Variants in FAM9B observed in about 807,000 individuals in gnomAD.
FAM9B encodes the protein family with sequence similarity 9 member B, also known as protein FAM9B.
A neutral mutation model predicts 16.6 loss-of-function variants in FAM9B; 18 were observed. The ratio of observed to expected loss-of-function variants is 1.09; its 90% CI spans 0.75 to 1.61. FAM9B has a LOEUF of 1.61. Among genes scored for constraint, FAM9B ranks in the 40% most tolerant of loss-of-function variants. The pLI is 0.00. For missense variants in FAM9B, 155 were observed against 136.0 expected, an observed-to-expected ratio of 1.14 and a Z score of -0.70; for synonymous variants, 43 against 42.6, an observed-to-expected ratio of 1.01 and a Z score of -0.03.
rs796087416 is a variant in FAM9B at position 9,032,742 on chromosome X, T to A, written c.28+217A>T. On this transcript the variant is annotated intron_variant, in intron 2 of 8. Transcript: ENST00000327220. Reference sequence around the variant, plus strand: ...ATGGAGAAGAGCTGCTCTGAGAGCATCTGTAACCCTGCTATGAGGGGGAGC... The same window carrying A: ...ATGGAGAAGAGCTGCTCTGAGAGCAACTGTAACCCTGCTATGAGGGGGAGC... The A allele has an allele frequency of 7.3e-6, 4 of 550,128 alleles. 1 individual carries two copies. The East Asian group carries it at 1.4e-4, about 20-fold the overall frequency. 45.3% of individuals were successfully genotyped at this position (550,128 alleles called of 1,213,427 possible).
At position 9,033,039 on chromosome X, in the gene FAM9B, G is replaced by A. The variant is rs1921135962; in HGVS notation, c.-53C>T. The A allele has an allele frequency of 8.3e-7, 1 of 1,212,019 alleles. No individual in the cohort carries two copies. The highest frequency in any genetic ancestry group is 1.1e-6 in the Non-Finnish European group (1 of 895,519). On this transcript the variant is annotated 5_prime_UTR_variant, in exon 2 of 9. Transcript: ENST00000327220. ...AGCCCTCCTGCCCACAGGATCCGTG[G>A]CTGGTTGTCCTGGGAAGCTAGAGGC...
At chrX:9,032,685 G>A (rs745607663) in intron 2 of FAM9B, 5 of 554,044 alleles carry the variant, frequency 9.0e-6, no homozygotes, top group South Asian at 6.8e-5. Flanking sequence ...ACGTACTACA[G>A]TTCAGACCCC....
rs759581024 is a variant in FAM9B at position 9,032,981 on chromosome X, C to T, written c.6G>A (p.Ala2=). The T allele has an allele frequency of 2.5e-5, 30 of 1,210,232 alleles. No homozygotes were observed. The highest frequency in any genetic ancestry group is 8.7e-5 in the Admixed American group (4 of 45,863). ...TACCTGCATGCTTCTTCCCCCAGGCCGCCATAAATTGAGCCTCCAACTGGG... is the reference window on the plus strand; with the variant it reads ...TACCTGCATGCTTCTTCCCCCAGGCTGCCATAAATTGAGCCTCCAACTGGG... M[A]AWGKKHAGKD... The change falls in exon 2 of 9, where the codon GCG becomes GCA. Residue 2 remains alanine, a synonymous_variant. Coordinates refer to ENST00000327220, the MANE Select transcript of FAM9B (RefSeq NM_205849.3).
At chrX:9,033,272 T>G in intron 1 of FAM9B, 197 bp from the exon 2 acceptor site, 2 of 1,084,968 alleles carry the variant, frequency 1.8e-6, no homozygotes, top group South Asian at 4.8e-5. Context: ...GCTGCAAAGC[T>G]CACAGCTGCC....
chrX:9,029,369 C>T lies in FAM9B; in HGVS notation c.331G>A (p.Glu111Lys). The T allele has an allele frequency of 8.3e-7, 1 of 1,209,939 alleles. No homozygotes were observed. Among genetic ancestry groups the T allele is most frequent in the South Asian group, 1.8e-5 (1 of 56,814 alleles). The change falls in exon 6 of 9, where the codon GAA becomes AAA. Residue 111 changes from glutamate to lysine, a missense_variant. Glu to Lys is a moderately conservative substitution (Grantham distance 56). Coordinates refer to ENST00000327220, the MANE Select transcript of FAM9B (RefSeq NM_205849.3). ...TCTTTCTGCTCGTCTGTGATGTATTCTTCAAGGACATTTAGCAACTTCAGA... is the reference window on the plus strand; with the variant it reads ...TCTTTCTGCTCGTCTGTGATGTATTTTTCAAGGACATTTAGCAACTTCAGA... The part of the protein sequence containing the change: ...HSLKLLNVLE[E>K]YITDEQKEEE...
Position 9,032,335 on chromosome X carries a change from C to T in FAM9B, c.149+6G>A. On this transcript the variant is annotated splice_donor_region_variant and intron_variant, in intron 3 of 8. Transcript: ENST00000327220. ...CCGACAGGCAAAAGTGACTTAAACA[C>T]TTTACCCCGTGTGTTCATCTGTTTC... 2.5e-6 allele frequency: 3 copies of T among 1,211,174 alleles called. No homozygotes were observed. The highest frequency in any genetic ancestry group is 3.4e-6 in the Non-Finnish European group (3 of 895,394).
At chrX:9,025,705 C>A in intron 7 of FAM9B, 122 bp from the exon 8 acceptor site, 1 of 514,551 alleles carries the variant, frequency 1.9e-6, no homozygotes, top group Non-Finnish European at 3.1e-6. Context: ...TTATTCATTT[C>A]AAATAGAAAA....
At chrX:9,029,525 G>A in intron 5 of FAM9B, 107 bp from the exon 6 acceptor site, 5 of 470,048 alleles carry the variant, frequency 1.1e-5, no homozygotes, top group Non-Finnish European at 1.8e-5. Flanking sequence ...AAGTAGCAAG[G>A]GAGTAATAGC....
At position 9,025,595 on chromosome X, in the gene FAM9B, A is replaced by G. The variant is rs1436158820; in HGVS notation, c.493-12T>C. 4 of 1,186,199 alleles carry G rather than the reference A, an allele frequency of 3.4e-6. No homozygotes were observed. Among genetic ancestry groups the G allele is most frequent in the Admixed American group, 4.6e-5 (2 of 43,647 alleles). ...AAGTCCTCAAGAGCCTAAAAGAAAAAGTCTAGTTCACTGACAAACCACCAC... is the reference window on the plus strand; with the variant it reads ...AAGTCCTCAAGAGCCTAAAAGAAAAGGTCTAGTTCACTGACAAACCACCAC... On this transcript the variant is annotated splice_polypyrimidine_tract_variant and intron_variant, in intron 7 of 8. Transcript: ENST00000327220.
In FAM9B at chrX:9,030,357, T is replaced by C. The variant is rs1921033751; in HGVS notation, c.185A>G (p.Asp62Gly). ...CATCCTTTTTCTTTTTGCAGTAAGA[T>C]CCTCTTTAATGTCAGTTAGATAGTA... ...NTKKPEDTAE[D>G]LTAKRKRMKM... The change falls in exon 5 of 9, where the codon GAT becomes GGT. Residue 62 changes from aspartate to glycine, a missense_variant. By Grantham distance (94) the Asp-to-Gly change is moderately conservative. Coordinates refer to ENST00000327220, the MANE Select transcript of FAM9B (RefSeq NM_205849.3). The C allele has an allele frequency of 4.2e-6, 5 of 1,181,047 alleles. No homozygotes were observed. Among genetic ancestry groups the C allele is most frequent in the Non-Finnish European group, 5.7e-6 (5 of 875,232 alleles).
At chrX:9,030,603 T>C (rs998942298) in intron 4 of FAM9B, 2 of 247,944 alleles carry the variant, frequency 8.1e-6, no homozygotes, top group Non-Finnish European at 1.4e-5. Flanking sequence ...ATCACTTAAT[T>C]GACAGATGAT....
intron 1 of FAM9B, 99 bp downstream of exon 1, chrX:9,033,753 C>T: frequency 1.4e-6 from 1 of 727,648 alleles, no homozygotes. Context: ...GACGCTGGGG[C>T]CATTTCCTCA....
chrX:9,027,539 T>C (rs1920978838), intron 7 of FAM9B, among the ~76,000 whole-genome samples: 1 of 111,553 alleles, frequency 9.0e-6, no homozygotes, highest in African/African-American at 3.3e-5. Context: ...AAGGTCTGAT[T>C]TTTCACACAC....
chrX:9,030,603 T>G (rs998942298), intron 4 of FAM9B: 1 of 247,944 alleles, frequency 4.0e-6, no homozygotes, highest in African/African-American at 2.9e-5. Flanking sequence ...ATCACTTAAT[T>G]GACAGATGAT....
rs1489702082 is a variant in FAM9B at position 9,025,022 on chromosome X, T to C, written c.*387A>G. 1.8e-5 allele frequency: 2 copies of C among 112,571 alleles called. No homozygotes were observed. The highest frequency in any genetic ancestry group is 6.5e-5 in the African/African-American group (2 of 30,980). The allele number at this position is 112,571 out of a possible 1,213,427, so 9.3% of individuals were successfully genotyped here. A position where few individuals can be genotyped will look rare whatever the true frequency, so the allele number is the denominator to read the frequency against. ...TATTAGAGAAAAATGTACTTTTCTA[T>C]GCCTGTGCTTTCTACATTTTTGGAA... On this transcript the variant is annotated 3_prime_UTR_variant, in exon 9 of 9. Coordinates refer to ENST00000327220, the MANE Select transcript of FAM9B (RefSeq NM_205849.3).
intron 6 of FAM9B, among the ~76,000 whole-genome samples, chrX:9,028,817 C>G (rs1920994372): frequency 1.8e-5 from 2 of 111,405 alleles, no homozygotes; most frequent in African/African-American, 6.5e-5. Context: ...CAACATACAG[C>G]CACTACCTCC....
chrX:9,028,740 A>C (rs760033888), intron 6 of FAM9B, among the ~76,000 whole-genome samples: 4 of 111,260 alleles, frequency 3.6e-5, no homozygotes, highest in Non-Finnish European at 7.5e-5. Context: ...TCAAGCTAGA[A>C]TCCCAAGCAG....
chrX:9,033,594 C>T (rs1246905788), intron 1 of FAM9B, among the ~76,000 whole-genome samples: 5 of 88,923 alleles, frequency 5.6e-5, no homozygotes, highest in African/African-American at 2.1e-4. Flanking sequence ...CCCCCCTCGG[C>T]CCCTCCCCCC....
chrX:9,032,244 A>G lies in FAM9B; in HGVS notation c.150-83T>C, dbSNP rs925772419. On this transcript the variant is annotated intron_variant, in intron 3 of 8. Transcript: ENST00000327220. ...TTGGGAAAAGAAATGTCTTATGTGA[A>G]ATGTTCTGCATAGAATAGAACAGTG... is the stretch of plus-strand genomic sequence containing the variant. The G allele has an allele frequency of 3.3e-6, 4 of 1,194,656 alleles. No individual in the cohort carries two copies. The African/African-American group carries it at 7.1e-5, about 21-fold the overall frequency.
Sources: gnomAD v4.1 joint callset for allele counts (sites outside exome capture counted in the v4.1 genomes callset) on GRCh38, gnomAD v4.1.1 for gene constraint, MANE v1.5 for transcripts, NCBI Gene and HGNC (gene_info 2026-07-23, HGNC 2026-07-21) for gene names.